FZR1: variants seen among roughly 807,000 people sequenced by gnomAD.
FZR1 encodes the protein fizzy-related protein homolog.
A neutral mutation model predicts 63.6 loss-of-function variants in FZR1; 11 were observed. That is an observed-to-expected ratio of 0.17 (90% CI 0.11 to 0.29). The LOEUF is 0.29. Ranked by LOEUF, FZR1 falls within the 10% of genes least tolerant of loss-of-function variation. FZR1 has a pLI of 1.00. For synonymous variants in FZR1, 328 were observed against 297.9 expected (o/e 1.10, Z -1.04); for missense variants, 440 against 687.5 (o/e 0.64, Z 4.03).
At position 3,533,552 on chromosome 19, in the gene FZR1, G is replaced by A; in HGVS notation, c.1347+154G>A. ...AGCAGGGGCCGGCAGGGCATCTGGT[G>A]CTGGTTGTGTTGCCAGCGTTGGAAT... On this transcript the variant is annotated intron_variant, in intron 12 of 13. Transcript: ENST00000441788. This position sits in a 1 kb window ranked among gnomAD's most constrained non-coding sequence, Gnocchi z 4.9. 1 of 608,216 alleles carries A rather than the reference G, an allele frequency of 1.6e-6. No homozygotes were observed. Among genetic ancestry groups the A allele is most frequent in the Non-Finnish European group, 3.0e-6 (1 of 336,326 alleles). 37.7% of individuals were successfully genotyped at this position (608,216 alleles called of 1,614,324 possible).
rs766840993 is a variant in FZR1 at position 3,531,959 on chromosome 19, G to A, written c.872G>A (p.Arg291His). 1.3e-6 allele frequency: 2 copies of A among 1,583,118 alleles called. No individual in the cohort carries two copies. The highest frequency in any genetic ancestry group is 8.6e-7 in the Non-Finnish European group (1 of 1,168,952). The change falls in exon 10 of 14, where the codon CGC becomes CAC. Residue 291 changes from arginine to histidine, a missense_variant. Physicochemically the swap from Arg to His is conservative, Grantham distance 29. Transcript: ENST00000441788. The stretch of plus-strand genomic sequence containing the variant: ...CAGCTGTCGTCCGGGAGCCGCGACC[G>A]CATGATCCTGCAGAGGGACATCCGC... ...AEQLSSGSRD[R>H]MILQRDIRTP...
intron 13 of FZR1, 118 bp from the exon 14 acceptor site, chr19:3,534,677 G>A: frequency 6.0e-6 from 6 of 994,088 alleles, no homozygotes; most frequent in Non-Finnish European, 7.9e-6. Context: ...GGCAGGCCGA[G>A]GCTGAACTGG....
chr19:3,523,149 T>C, intron 2 of FZR1, 91 bp downstream of exon 2: 1 of 843,298 alleles, frequency 1.2e-6, no homozygotes, highest in South Asian at 1.3e-5. Flanking sequence ...CCACTGTCAC[T>C]AAAGCCCCAC....
Position 3,526,019 on chromosome 19 carries a change from G to A in FZR1, c.195+26G>A. On this transcript the variant is annotated intron_variant, in intron 3 of 13. Coordinates refer to ENST00000441788, the MANE Select transcript of FZR1 (RefSeq NM_016263.4). The surrounding 1 kb of genome is among the most constrained non-coding windows in gnomAD (Gnocchi z 5.4). Reference sequence around the variant, plus strand: ...GTGAGGGGCTGGCTGGGCAGGAGATGGGACCCCCCGGGAAGCCCAGGGCCC... The same window carrying A: ...GTGAGGGGCTGGCTGGGCAGGAGATAGGACCCCCCGGGAAGCCCAGGGCCC... 1 of 1,611,084 alleles carries A rather than the reference G, an allele frequency of 6.2e-7. No individual in the cohort carries two copies. Among genetic ancestry groups the A allele is most frequent in the Non-Finnish European group, 8.5e-7 (1 of 1,179,258 alleles).
At position 3,537,431 on chromosome 19, in the gene FZR1, C is replaced by T. The variant is rs78701958; in HGVS notation, c.*2595C>T. 2,581 of 152,516 alleles carry T rather than the reference C, an allele frequency of 0.017. 44 individuals carry two copies. Among genetic ancestry groups the T allele is most frequent in the South Asian group, 0.03 (147 of 4,834 alleles). The allele number at this position is 152,516 out of a possible 1,614,324, so 9.4% of individuals were successfully genotyped here. On this transcript the variant is annotated 3_prime_UTR_variant, in exon 14 of 14. Transcript: ENST00000441788. ...AAGGGCCCCGCAGGGCGGGCTGCAA[C>T]TTTTCTGTTGATCCTGGAATGTAGC... is the stretch of plus-strand genomic sequence containing the variant.
At chr19:3,517,800 CAA>C (rs2083069124) in intron 1 of FZR1, among the ~76,000 whole-genome samples, 1 of 150,334 alleles carries the variant, frequency 6.7e-6, no homozygotes, top group Admixed American at 6.6e-5. Context: ...CTGTGTGAAA[CAA>C]GATAAACAAA....
At chr19:3,506,748 G>T (rs1273157506) in intron 1 of FZR1, among the ~76,000 whole-genome samples, 1 of 151,870 alleles carries the variant, frequency 6.6e-6, no homozygotes, top group African/African-American at 2.4e-5. Flanking sequence ...TGTAAGTCGT[G>T]ACCTCCCCGC....
At chr19:3,506,959 T>C (rs1273735187) in intron 1 of FZR1, among the ~76,000 whole-genome samples, 1 of 152,024 alleles carries the variant, frequency 6.6e-6, no homozygotes, top group Non-Finnish European at 1.5e-5. Context: ...CCCCCATCGC[T>C]GAGCCTGTGG....
intron 12 of FZR1, 194 bp from the exon 13 acceptor site, chr19:3,534,227 T>TAAAAAA (rs3040391): frequency 7.1e-6 from 2 of 283,114 alleles, no homozygotes; most frequent in South Asian, 6.4e-5. Flanking sequence ...GTCTTAAAAT[T>TAAAAAA]AAAAAAAAAA....
rs1048237473 is a variant in FZR1, at chr19:3,538,122, C to A, written c.*3286C>A. ...GGGAGTGGAGCTCCTGGGTGCGTGT[C>A]CAGATGGGAAAGGCAGGGTCGTATC... On this transcript the variant is annotated 3_prime_UTR_variant, in exon 14 of 14. Coordinates refer to ENST00000441788, the MANE Select transcript of FZR1 (RefSeq NM_016263.4). 1.9e-5 allele frequency: 3 copies of A among 154,626 alleles called. No homozygotes were observed. Among genetic ancestry groups the A allele is most frequent in the African/African-American group, 7.3e-5 (3 of 41,368 alleles). 9.6% of individuals were successfully genotyped at this position (154,626 alleles called of 1,614,324 possible). A position where few individuals can be genotyped will look rare whatever the true frequency, so the allele number is the denominator to read the frequency against.
chr19:3,526,242 G>T lies in FZR1; in HGVS notation c.260-17G>T, dbSNP rs1388097359. On this transcript the variant is annotated splice_polypyrimidine_tract_variant and intron_variant, in intron 4 of 13. Transcript: ENST00000441788. This position sits in a 1 kb window ranked among gnomAD's most constrained non-coding sequence, Gnocchi z 5.4. The stretch of plus-strand genomic sequence containing the variant: ...CCACCCTGCCTTGCCCCGCCTCACT[G>T]TGCTTGGTGCCCGCAGACGGCCTGG... The T allele has an allele frequency of 6.2e-7, 1 of 1,611,932 alleles. No homozygotes were observed. Among genetic ancestry groups the T allele is most frequent in the Admixed American group, 1.7e-5 (1 of 59,998 alleles).
intron 1 of FZR1, among the ~76,000 whole-genome samples, chr19:3,511,691 G>A (rs993786257): frequency 6.6e-5 from 10 of 152,202 alleles, no homozygotes; most frequent in East Asian, 1.9e-4. Context: ...AGGTGGCGGC[G>A]TGAGTAAATG....
intron 7 of FZR1, among the ~76,000 whole-genome samples, chr19:3,529,973 G>T (rs1484424557): frequency 1.6e-5 from 2 of 122,414 alleles, no homozygotes; most frequent in Admixed American, 8.1e-5. Context: ...GATGAGAGTG[G>T]TTGAGGGAGT....
At chr19:3,519,034 A>G (rs1021018860) in intron 1 of FZR1, among the ~76,000 whole-genome samples, 1 of 151,528 alleles carries the variant, frequency 6.6e-6, no homozygotes, top group African/African-American at 2.4e-5. Context: ...TCAATGAATG[A>G]CCCTCCCCAC....
chr19:3,507,869 C>A lies in FZR1; in HGVS notation c.-35+1395C>A, dbSNP rs909885475. Among the ~76,000 whole-genome samples, 4 of 152,376 alleles carry A rather than the reference C, an allele frequency of 2.6e-5. No individual in the cohort carries two copies. In the South Asian group the frequency reaches 8.3e-4, roughly 32 times the overall value. On this transcript the variant is annotated intron_variant, in intron 1 of 13. Coordinates refer to ENST00000441788, the MANE Select transcript of FZR1 (RefSeq NM_016263.4). ...GGCGACACCCGATTGTCATTTCCTT[C>A]GGAATCCCAAGTGGAGGCAGGTGTG...
In FZR1 at chr19:3,537,172, G is replaced by C. The variant is rs1003080548; in HGVS notation, c.*2336G>C. The C allele has an allele frequency of 1.3e-5, 2 of 152,516 alleles. No homozygotes were observed. The highest frequency in any genetic ancestry group is 2.4e-5 in the African/African-American group (1 of 41,468). The allele number at this position is 152,516 out of a possible 1,614,324, so 9.4% of individuals were successfully genotyped here. The stretch of plus-strand genomic sequence containing the variant: ...CCCATGATGATGGGCCAGGGCTCGT[G>C]TAGAAATGGGGGAATTGGTTCCCCA... On this transcript the variant is annotated 3_prime_UTR_variant, in exon 14 of 14. Coordinates refer to ENST00000441788, the MANE Select transcript of FZR1 (RefSeq NM_016263.4).
chr19:3,511,885 C>T (rs994381163), intron 1 of FZR1, among the ~76,000 whole-genome samples: 1 of 152,154 alleles, frequency 6.6e-6, no homozygotes, highest in Non-Finnish European at 1.5e-5. Flanking sequence ...GGTCAGAGGC[C>T]GCCAGCTCAG....
intron 1 of FZR1, among the ~76,000 whole-genome samples, chr19:3,506,995 A>G (rs904196841): frequency 1.4e-4 from 22 of 152,098 alleles, no homozygotes; most frequent in African/African-American, 5.3e-4. Context: ...CCAGGCCGCA[A>G]CCAGCCCCTC....
intron 2 of FZR1, among the ~76,000 whole-genome samples, chr19:3,523,936 T>A (rs2083127355): frequency 6.6e-6 from 1 of 152,120 alleles, no homozygotes; most frequent in South Asian, 2.1e-4. Context: ...AGCCGCCTTC[T>A]CCCCCTGTGC....
Sources: gnomAD v4.1 joint callset for allele counts (sites outside exome capture counted in the v4.1 genomes callset) on GRCh38, gnomAD v4.1.1 for gene constraint, Gnocchi (gnomAD v3.1) non-coding constraint, MANE v1.5 for transcripts, NCBI Gene and HGNC (gene_info 2026-07-23, HGNC 2026-07-21) for gene names.